The following ZCCHC3 variants were observed in gnomAD, a reference collection of about 807,000 sequenced individuals.
ZCCHC3 encodes zinc finger CCHC-type containing 3.
A neutral mutation model predicts 18.4 loss-of-function variants in ZCCHC3; 20 were observed. That is an observed-to-expected ratio of 1.09 (90% CI 0.76 to 1.58). The LOEUF is 1.58. Ranked by LOEUF, ZCCHC3 falls within the 40% of genes most tolerant of loss-of-function variation. The pLI is 0.00. For missense variants in ZCCHC3, 548 were observed against 511.2 expected, an observed-to-expected ratio of 1.07 and a Z score of -0.69; for synonymous variants, 310 against 232.7, an observed-to-expected ratio of 1.33 and a Z score of -3.02.
rs1219357586 is a variant in ZCCHC3 at position 298,151 on chromosome 20, A to C, written c.565A>C (p.Ile189Leu). ...PTRDFVVGAL[I>L]LRSIGMDPSD... ...CCGGGACTTCGTGGTAGGAGCGCTT[A>C]TCCTGCGCTCCATCGGCATGGACCC... The change falls in exon 1 of 1, where the codon ATC (isoleucine) becomes CTC (leucine). Residue 189 changes from isoleucine to leucine, a missense_variant. By Grantham distance (5) the Ile-to-Leu change is conservative. Transcript: ENST00000500893. The C allele has an allele frequency of 1.9e-6, 3 of 1,555,244 alleles. No individual in the cohort carries two copies. The highest frequency in any genetic ancestry group is 1.8e-6 in the Non-Finnish European group (2 of 1,127,732).
Position 298,248 on chromosome 20 carries a change from A to G in ZCCHC3, c.662A>G (p.Lys221Arg). 1.1e-6 allele frequency: 1 copy of G among 951,634 alleles called. No homozygotes were observed. The highest frequency in any genetic ancestry group is 1.7e-6 in the Non-Finnish European group (1 of 574,092). The allele number at this position is 951,634 out of a possible 1,614,324, so 58.9% of individuals were successfully genotyped here. The change falls in exon 1 of 1, where the codon AAG becomes AGG. Residue 221 changes from lysine to arginine, a missense_variant. Physicochemically the swap from Lys to Arg is conservative, Grantham distance 26. Transcript: ENST00000500893. Reference sequence around the variant, plus strand: ...GACGTGAGCTTCCGCTCAGCGGAGAAGCTGGCCCTGTTCCTACGCGTCTAC... The same window carrying G: ...GACGTGAGCTTCCGCTCAGCGGAGAGGCTGGCCCTGTTCCTACGCGTCTAC... The part of the protein sequence containing the change: ...EFDVSFRSAE[K>R]LALFLRVYEE...
At position 297,860 on chromosome 20, in the gene ZCCHC3, G is replaced by T. The variant is rs955049984; in HGVS notation, c.274G>T (p.Ala92Ser). The change falls in exon 1 of 1, where the codon GCT (alanine) becomes TCT (serine). Residue 92 changes from alanine to serine, a missense_variant. Coordinates refer to ENST00000500893, the MANE Select transcript of ZCCHC3 (RefSeq NM_033089.7). ...AAPDLGDFPP[A>S]GRGDPKGRRR... ...GCCGGACCTCGGCGACTTCCCACCG[G>T]CTGGCCGCGGGGATCCGAAGGGCCG... 1.8e-5 allele frequency: 22 copies of T among 1,246,128 alleles called. No homozygotes were observed. The highest frequency in any genetic ancestry group is 9.4e-5 in the African/African-American group (6 of 63,862). 77.2% of individuals were successfully genotyped at this position (1,246,128 alleles called of 1,614,324 possible).
At position 299,105 on chromosome 20, in the gene ZCCHC3, G is replaced by GCCCCCCCCCCCCCCCCCCCCC. The variant is rs143844000; in HGVS notation, c.*313_*314insCCCCCCCCCCCCCCCCCCCCC. The stretch of plus-strand genomic sequence containing the variant: ...TCTTGTACTTTTTCTCTCTCTCCTT[G>GCCCCCCCCCCCCCCCCCCCCC]CCCCCCTCCCGCCCTCCCCGCCCCA... On this transcript the variant is annotated 3_prime_UTR_variant, in exon 1 of 1. Coordinates refer to ENST00000500893, the MANE Select transcript of ZCCHC3 (RefSeq NM_033089.7). 8.5e-6 allele frequency: 2 copies of GCCCCCCCCCCCCCCCCCCCCC among 235,666 alleles called. No homozygotes were observed. Among genetic ancestry groups the GCCCCCCCCCCCCCCCCCCCCC allele is most frequent in the African/African-American group, 4.9e-5 (2 of 40,646 alleles). The allele number at this position is 235,666 out of a possible 1,614,324, so 14.6% of individuals were successfully genotyped here.
rs1047537592 is a variant in ZCCHC3 at position 298,076 on chromosome 20, C to T, written c.490C>T (p.Arg164Cys). The T allele has an allele frequency of 5.6e-5, 87 of 1,555,548 alleles. No homozygotes were observed. Among genetic ancestry groups the T allele is most frequent in the Non-Finnish European group, 7.5e-5 (86 of 1,153,518 alleles). Reference sequence around the variant, plus strand: ...GGCGGCGGCAGGCCCGGGCAAGGGTCGCTTCCTCGTCCGCATCTGTTTCCA... The same window carrying T: ...GGCGGCGGCAGGCCCGGGCAAGGGTTGCTTCCTCGTCCGCATCTGTTTCCA... The part of the protein sequence containing the change: ...PAAAAGPGKG[R>C]FLVRICFQGD... Residue 164 changes from arginine to cysteine, a missense_variant, in exon 1 of 1, where the codon CGC becomes TGC. Coordinates refer to ENST00000500893, the MANE Select transcript of ZCCHC3 (RefSeq NM_033089.7).
At position 298,267 on chromosome 20, in the gene ZCCHC3, C is replaced by T; in HGVS notation, c.681C>T (p.Arg227=). The T allele has an allele frequency of 2.3e-6, 2 of 873,596 alleles. No homozygotes were observed. Among genetic ancestry groups the T allele is most frequent in the Non-Finnish European group, 4.0e-6 (2 of 502,828 alleles). 54.1% of individuals were successfully genotyped at this position (873,596 alleles called of 1,614,324 possible). A position where few individuals can be genotyped will look rare whatever the true frequency, so the allele number is the denominator to read the frequency against. ...RSAEKLALFL[R]VYEEKREQED... ...CGGAGAAGCTGGCCCTGTTCCTACGCGTCTACGAGGAGAAGCGGGAGCAGG... is the reference window on the plus strand; with the variant it reads ...CGGAGAAGCTGGCCCTGTTCCTACGTGTCTACGAGGAGAAGCGGGAGCAGG... The change falls in exon 1 of 1, where the codon CGC becomes CGT. Residue 227 remains arginine (R), a synonymous_variant. Transcript: ENST00000500893.
In ZCCHC3 at chr20:297,900, C is replaced by T; in HGVS notation, c.314C>T (p.Ala105Val). ...CCGAAGGGCCGTCGGAGAGATCCGG[C>T]CGGCGAGGCGGTGGACCCCCGCAAA... ...GDPKGRRRDP[A>V]GEAVDPRKKK... The change falls in exon 1 of 1, where the codon GCC becomes GTC. Residue 105 changes from alanine to valine, a missense_variant. By Grantham distance (64) the Ala-to-Val change is moderately conservative (BLOSUM62 0). Coordinates refer to ENST00000500893, the MANE Select transcript of ZCCHC3 (RefSeq NM_033089.7). 1 of 1,258,484 alleles carries T rather than the reference C, an allele frequency of 7.9e-7. No homozygotes were observed. The highest frequency in any genetic ancestry group is 1.0e-6 in the Non-Finnish European group (1 of 1,002,688). 78.0% of individuals were successfully genotyped at this position (1,258,484 alleles called of 1,614,324 possible).
Position 298,103 on chromosome 20 carries a change from G to T in ZCCHC3, c.517G>T (p.Gly173Ter). 6.3e-7 allele frequency: 1 copy of T among 1,595,372 alleles called. No homozygotes were observed. Residue 173 changes from glycine (G) to a stop codon, truncating the protein, a stop_gained, in exon 1 of 1, where the codon GGA becomes TGA. Coordinates refer to ENST00000500893, the MANE Select transcript of ZCCHC3 (RefSeq NM_033089.7). LOFTEE classifies it high-confidence loss of function. ...CTTCCTCGTCCGCATCTGTTTCCAGGGAGACGAGGGCGCCTGCCCGACCCG... is the reference window on the plus strand; with the variant it reads ...CTTCCTCGTCCGCATCTGTTTCCAGTGAGACGAGGGCGCCTGCCCGACCCG... ...GRFLVRICFQ[G>*]DEGACPTRDF... is the part of the protein sequence containing the mutation.
At position 297,941 on chromosome 20, in the gene ZCCHC3, G is replaced by A; in HGVS notation, c.355G>A (p.Glu119Lys). 7.8e-7 allele frequency: 1 copy of A among 1,284,248 alleles called. No individual in the cohort carries two copies. Among genetic ancestry groups the A allele is most frequent in the Non-Finnish European group, 9.8e-7 (1 of 1,018,884 alleles). The allele number at this position is 1,284,248 out of a possible 1,614,324, so 79.6% of individuals were successfully genotyped here. ...CCCCCGCAAAAAGAAGGGCGCTGCG[G>A]AGGCGGGCAGGAGGAAGAAGGCCGA... ...VDPRKKKGAAEAGRRKKAEAA... is the reference protein window; with the variant it reads ...VDPRKKKGAAKAGRRKKAEAA... The change falls in exon 1 of 1, where the codon GAG becomes AAG. Residue 119 changes from glutamate (E) to lysine (K), a missense_variant. Glu to Lys is a moderately conservative substitution (Grantham distance 56). Transcript: ENST00000500893.
At position 298,991 on chromosome 20, in the gene ZCCHC3, A is replaced by C. The variant is rs2122373092; in HGVS notation, c.*193A>C. The C allele has an allele frequency of 5.5e-4, 246 of 446,062 alleles. No homozygotes were observed. The highest frequency in any genetic ancestry group is 1.2e-3 in the East Asian group (30 of 25,534). The allele number at this position is 446,062 out of a possible 1,614,324, so 27.6% of individuals were successfully genotyped here. On this transcript the variant is annotated 3_prime_UTR_variant, in exon 1 of 1. Coordinates refer to ENST00000500893, the MANE Select transcript of ZCCHC3 (RefSeq NM_033089.7). ...CTGAATTGGTGACTCTGTCACCAAT[A>C]ACGACTGCGGAGAACTGTAGCGTGC...
chr20:298,989 A>T lies in ZCCHC3; in HGVS notation c.*191A>T. On this transcript the variant is annotated 3_prime_UTR_variant, in exon 1 of 1. Coordinates refer to ENST00000500893, the MANE Select transcript of ZCCHC3 (RefSeq NM_033089.7). ...TTCTGAATTGGTGACTCTGTCACCA[A>T]TAACGACTGCGGAGAACTGTAGCGT... 4.2e-6 allele frequency: 2 copies of T among 476,996 alleles called. No homozygotes were observed. The highest frequency in any genetic ancestry group is 2.0e-5 in the African/African-American group (1 of 49,462). 29.5% of individuals were successfully genotyped at this position (476,996 alleles called of 1,614,324 possible).
chr20:297,751 C>A lies in ZCCHC3; in HGVS notation c.165C>A (p.Arg55=). 2 of 1,363,732 alleles carry A rather than the reference C, an allele frequency of 1.5e-6. No homozygotes were observed. Among genetic ancestry groups the A allele is most frequent in the Admixed American group, 3.2e-5 (1 of 31,022 alleles). 84.5% of individuals were successfully genotyped at this position (1,363,732 alleles called of 1,614,324 possible). ...KNLAEKKGEF[R]EPRPPRREEE... ...TAGCCGAGAAGAAGGGCGAATTCCG[C>A]GAGCCGCGGCCGCCGCGGCGGGAGG... Residue 55 remains arginine (R), a synonymous_variant, in exon 1 of 1, where the codon CGC becomes CGA. Coordinates refer to ENST00000500893, the MANE Select transcript of ZCCHC3 (RefSeq NM_033089.7).
Position 298,476 on chromosome 20 carries a change from A to G in ZCCHC3, c.890A>G (p.Tyr297Cys). 2 of 773,954 alleles carry G rather than the reference A, an allele frequency of 2.6e-6. No individual in the cohort carries two copies. The highest frequency in any genetic ancestry group is 4.8e-6 in the Non-Finnish European group (2 of 413,122). 47.9% of individuals were successfully genotyped at this position (773,954 alleles called of 1,614,324 possible). ...AGGTTTGGGATCTGGACCGGGGAGT[A>G]CAAATGCGAGATCGAGCTGCGCCAG... ...TDRFGIWTGE[Y>C]KCEIELRQGE... The change falls in exon 1 of 1, where the codon TAC becomes TGC. Residue 297 changes from tyrosine to cysteine, a missense_variant. By Grantham distance (194) the Tyr-to-Cys change is radical (BLOSUM62 -2). Coordinates refer to ENST00000500893, the MANE Select transcript of ZCCHC3 (RefSeq NM_033089.7).
chr20:297,699 T>C lies in ZCCHC3; in HGVS notation c.113T>C (p.Met38Thr). The change falls in exon 1 of 1, where the codon ATG becomes ACG. Residue 38 changes from methionine (M) to threonine (T), a missense_variant. Transcript: ENST00000500893. ...GAGGCCGACGGCGGCCGCGAGAAGA[T>C]GGGCTGGGCCCAGGTGGTGAAGAAT... ...GEEADGGREKMGWAQVVKNLA... is the reference protein window; with the variant it reads ...GEEADGGREKTGWAQVVKNLA... 7.3e-7 allele frequency: 1 copy of C among 1,367,060 alleles called. No individual in the cohort carries two copies. 84.7% of individuals were successfully genotyped at this position (1,367,060 alleles called of 1,614,324 possible). A position where few individuals can be genotyped will look rare whatever the true frequency, so the allele number is the denominator to read the frequency against.
rs2012671325 is a variant in ZCCHC3 at position 297,962 on chromosome 20, G to A, written c.376G>A (p.Ala126Thr). The change falls in exon 1 of 1, where the codon GCC (alanine) becomes ACC (threonine). Residue 126 changes from alanine to threonine, a missense_variant. Physicochemically the swap from Ala to Thr is moderately conservative, Grantham distance 58 (BLOSUM62 0). Transcript: ENST00000500893. ...GAAEAGRRKK[A>T]EAAAAAMATP... ...TGCGGAGGCGGGCAGGAGGAAGAAG[G>A]CCGAGGCGGCGGCGGCCGCCATGGC... The A allele has an allele frequency of 2.3e-6, 3 of 1,304,506 alleles. No homozygotes were observed. The highest frequency in any genetic ancestry group is 2.9e-6 in the Non-Finnish European group (3 of 1,031,638). 80.8% of individuals were successfully genotyped at this position (1,304,506 alleles called of 1,614,324 possible). A position where few individuals can be genotyped will look rare whatever the true frequency, so the allele number is the denominator to read the frequency against.
In ZCCHC3 at chr20:298,895, A is replaced by G. The variant is rs981225913; in HGVS notation, c.*97A>G. Reference sequence around the variant, plus strand: ...CCATTTTTTATCGTTTTTGAAGGAGATCTTTTTAAAACCTACAAGAGACAT... The same window carrying G: ...CCATTTTTTATCGTTTTTGAAGGAGGTCTTTTTAAAACCTACAAGAGACAT... On this transcript the variant is annotated 3_prime_UTR_variant, in exon 1 of 1. Coordinates refer to ENST00000500893, the MANE Select transcript of ZCCHC3 (RefSeq NM_033089.7). 1 of 1,368,430 alleles carries G rather than the reference A, an allele frequency of 7.3e-7. No homozygotes were observed. Among genetic ancestry groups the G allele is most frequent in the South Asian group, 1.6e-5 (1 of 61,372 alleles). 84.8% of individuals were successfully genotyped at this position (1,368,430 alleles called of 1,614,324 possible). A position where few individuals can be genotyped will look rare whatever the true frequency, so the allele number is the denominator to read the frequency against.
In ZCCHC3 at chr20:297,973, G is replaced by A. The variant is rs1280065024; in HGVS notation, c.387G>A (p.Ala129=). The A allele has an allele frequency of 3.1e-6, 4 of 1,305,478 alleles. No individual in the cohort carries two copies. The highest frequency in any genetic ancestry group is 3.9e-6 in the Non-Finnish European group (4 of 1,032,226). 80.9% of individuals were successfully genotyped at this position (1,305,478 alleles called of 1,614,324 possible). A position where few individuals can be genotyped will look rare whatever the true frequency, so the allele number is the denominator to read the frequency against. ...EAGRRKKAEA[A]AAAMATPARP... ...GCAGGAGGAAGAAGGCCGAGGCGGC[G>A]GCGGCCGCCATGGCGACCCCGGCCA... is the stretch of plus-strand genomic sequence containing the variant. The change falls in exon 1 of 1, where the codon GCG becomes GCA. Residue 129 remains alanine, a synonymous_variant. Transcript: ENST00000500893.
chr20:298,898 T>G lies in ZCCHC3; in HGVS notation c.*100T>G. 6 of 1,353,226 alleles carry G rather than the reference T, an allele frequency of 4.4e-6. No individual in the cohort carries two copies. Among genetic ancestry groups the G allele is most frequent in the Non-Finnish European group, 5.9e-6 (6 of 1,019,472 alleles). 83.8% of individuals were successfully genotyped at this position (1,353,226 alleles called of 1,614,324 possible). On this transcript the variant is annotated 3_prime_UTR_variant, in exon 1 of 1. Coordinates refer to ENST00000500893, the MANE Select transcript of ZCCHC3 (RefSeq NM_033089.7). ...TTTTTTATCGTTTTTGAAGGAGATC[T>G]TTTTAAAACCTACAAGAGACATCTC...
chr20:299,252 T>C lies in ZCCHC3; in HGVS notation c.*454T>C, dbSNP rs2012706288. 1 of 169,302 alleles carries C rather than the reference T, an allele frequency of 5.9e-6. No individual in the cohort carries two copies. The highest frequency in any genetic ancestry group is 2.4e-5 in the African/African-American group (1 of 41,510). 10.5% of individuals were successfully genotyped at this position (169,302 alleles called of 1,614,324 possible). Reference sequence around the variant, plus strand: ...ATCAGTGTTTGCTGAATTGAAAACATTGTTGACTGTGGCTTCTATCAGAGT... The same window carrying C: ...ATCAGTGTTTGCTGAATTGAAAACACTGTTGACTGTGGCTTCTATCAGAGT... On this transcript the variant is annotated 3_prime_UTR_variant, in exon 1 of 1. Coordinates refer to ENST00000500893, the MANE Select transcript of ZCCHC3 (RefSeq NM_033089.7).
rs981225913 is a variant in ZCCHC3, at chr20:298,895, A to T, written c.*97A>T. On this transcript the variant is annotated 3_prime_UTR_variant, in exon 1 of 1. Transcript: ENST00000500893. ...CCATTTTTTATCGTTTTTGAAGGAG[A>T]TCTTTTTAAAACCTACAAGAGACAT... 2.2e-6 allele frequency: 3 copies of T among 1,368,430 alleles called. No homozygotes were observed. The highest frequency in any genetic ancestry group is 3.1e-5 in the Admixed American group (1 of 32,096). 84.8% of individuals were successfully genotyped at this position (1,368,430 alleles called of 1,614,324 possible). A position where few individuals can be genotyped will look rare whatever the true frequency, so the allele number is the denominator to read the frequency against.
Sources: allele counts gnomAD v4.1 joint callset, GRCh38; gene constraint gnomAD v4.1.1; transcripts MANE v1.5; gene names NCBI Gene and HGNC (gene_info 2026-07-23, HGNC 2026-07-21).